GRID2: variants seen among roughly 807,000 people sequenced by gnomAD.
The protein encoded by GRID2 is glutamate ionotropic receptor delta type subunit 2.
A neutral mutation model predicts 114.8 loss-of-function variants in GRID2; 33 were observed. The observed-to-expected ratio is 0.29, with a 90% CI of 0.22 to 0.38. GRID2 has a LOEUF of 0.38. Ranked by LOEUF, GRID2 falls within the 10% of genes least tolerant of loss-of-function variation. GRID2 has a pLI of 1.00. For missense variants in GRID2, 1,184 were observed against 1,257.7 expected (o/e 0.94, Z 0.89); for synonymous variants, 505 against 449.9 (o/e 1.12, Z -1.55).
At chr4:92,697,701 A>C (rs1389890588) in intron 2 of GRID2, among the ~76,000 whole-genome samples, 1 of 152,128 alleles carries the variant, frequency 6.6e-6, no homozygotes, top group African/African-American at 2.4e-5. Context: ...AAAGGCAAAA[A>C]AATAGAAAAA....
At chr4:92,912,309 C>A (rs1748448364) in intron 2 of GRID2, among the ~76,000 whole-genome samples, 1 of 151,688 alleles carries the variant, frequency 6.6e-6, no homozygotes, top group African/African-American at 2.4e-5. Context: ...AACAAATATG[C>A]CCTCAAGTCT....
intron 2 of GRID2, among the ~76,000 whole-genome samples, chr4:92,886,988 T>C (rs983584038): frequency 6.6e-6 from 1 of 152,226 alleles, no homozygotes; most frequent in Admixed American, 6.5e-5. Context: ...CTAAATATTA[T>C]TGCTTCCCTT....
At chr4:92,701,492 A>T (rs1233441924) in intron 2 of GRID2, among the ~76,000 whole-genome samples, 1 of 152,206 alleles carries the variant, frequency 6.6e-6, no homozygotes, top group African/African-American at 2.4e-5. Flanking sequence ...AATGAATTAT[A>T]GACCACAGGA....
At chr4:93,588,271 C>T (rs1737742430) in intron 13 of GRID2, among the ~76,000 whole-genome samples, 1 of 151,800 alleles carries the variant, frequency 6.6e-6, no homozygotes, top group African/African-American at 2.4e-5. Flanking sequence ...AATGAATAAG[C>T]TAAAGAACAT....
intron 1 of GRID2, among the ~76,000 whole-genome samples, chr4:93,806,200 A>T (rs1205375018): frequency 2.0e-5 from 3 of 152,234 alleles, no homozygotes; most frequent in Non-Finnish European, 4.4e-5. Context: ...TACAATTTAT[A>T]TATTTATTAT....
In GRID2 at chr4:93,353,379, A is replaced by G. The variant is rs114118810; in HGVS notation, c.1246-42228A>G. ...AAAAGTAACAGTACACAGAATCAGA[A>G]ACAGCTAGATGTGAAAAATCACATT... On this transcript the variant is annotated intron_variant, in intron 8 of 15. Transcript: ENST00000282020. 7.3e-3 allele frequency among the ~76,000 whole-genome samples: 1,108 copies of G among 152,146 alleles called. 11 individuals carry two copies. Among genetic ancestry groups the G allele is most frequent in the African/African-American group, 0.026 (1,062 of 41,538 alleles).
chr4:92,986,811 G>A (rs2149196734), intron 2 of GRID2, among the ~76,000 whole-genome samples: 1 of 152,172 alleles, frequency 6.6e-6, no homozygotes, highest in Admixed American at 6.5e-5. Context: ...ATGTTCTGAA[G>A]ATAACGTAAA....
chr4:93,315,903 T>C (rs1756532424), intron 8 of GRID2, among the ~76,000 whole-genome samples: 1 of 152,096 alleles, frequency 6.6e-6, no homozygotes, highest in Non-Finnish European at 1.5e-5. Flanking sequence ...AATAACCCAT[T>C]GACATACCCA....
chr4:92,944,609 A>G (rs1003467032), intron 2 of GRID2, among the ~76,000 whole-genome samples: 1 of 152,198 alleles, frequency 6.6e-6, no homozygotes, highest in African/African-American at 2.4e-5. Flanking sequence ...TGAACCTGGT[A>G]TCTCAGTTGG....
intron 2 of GRID2, among the ~76,000 whole-genome samples, chr4:92,791,046 G>T (rs1739562444): frequency 6.6e-6 from 1 of 150,940 alleles, no homozygotes; most frequent in Non-Finnish European, 1.5e-5. Flanking sequence ...ATGAATATTT[G>T]TTACTATATT....
chr4:92,852,004 A>G (rs1420437866), intron 2 of GRID2, among the ~76,000 whole-genome samples: 1 of 151,938 alleles, frequency 6.6e-6, no homozygotes, highest in African/African-American at 2.4e-5. Flanking sequence ...TGGTAATTAT[A>G]TAATTAGGTC....
chr4:93,210,501 A>G (rs370247845), intron 5 of GRID2, among the ~76,000 whole-genome samples: 3 of 152,088 alleles, frequency 2.0e-5, no homozygotes, highest in East Asian at 3.9e-4. Context: ...GCACTGTAGT[A>G]TAGTTTGAAG....
At chr4:92,645,556 A>T (rs1731568514) in intron 2 of GRID2, among the ~76,000 whole-genome samples, 2 of 151,756 alleles carry the variant, frequency 1.3e-5, no homozygotes, top group Admixed American at 1.3e-4. Context: ...ATGAACTGTG[A>T]TACATCTATG....
At chr4:93,577,674 T>C (rs1287275037) in intron 13 of GRID2, among the ~76,000 whole-genome samples, 2 of 152,216 alleles carry the variant, frequency 1.3e-5, no homozygotes, top group Non-Finnish European at 2.9e-5. Context: ...GTCCTTGCCT[T>C]CATGGAGCTG....
intron 14 of GRID2, among the ~76,000 whole-genome samples, chr4:93,655,682 A>G (rs1164725847): frequency 1.3e-5 from 2 of 152,130 alleles, no homozygotes; most frequent in Non-Finnish European, 2.9e-5. Flanking sequence ...TTGAATCTTT[A>G]TAACAAAATA....
intron 13 of GRID2, among the ~76,000 whole-genome samples, chr4:93,619,588 T>G (rs1742026211): frequency 6.6e-6 from 1 of 152,236 alleles, no homozygotes; most frequent in African/African-American, 2.4e-5. Context: ...AAAATAGATT[T>G]TCATTATTCA....
At chr4:92,443,294 T>C (rs1455169886) in intron 1 of GRID2, among the ~76,000 whole-genome samples, 1 of 152,152 alleles carries the variant, frequency 6.6e-6, no homozygotes, top group Non-Finnish European at 1.5e-5. Flanking sequence ...TTGGAACTAC[T>C]GTGGAGTTTG....
intron 2 of GRID2, among the ~76,000 whole-genome samples, chr4:92,991,046 A>G (rs1194042397): frequency 6.6e-6 from 1 of 152,176 alleles, no homozygotes; most frequent in Non-Finnish European, 1.5e-5. Context: ...AACTCTTTAT[A>G]TATTTTCTGC....
intron 8 of GRID2, among the ~76,000 whole-genome samples, chr4:93,374,904 A>G (rs1366693398): frequency 6.6e-6 from 1 of 152,174 alleles, no homozygotes; most frequent in African/African-American, 2.4e-5. Context: ...ACTAAAGTCA[A>G]TCGACCTGTC....
Sources: gnomAD v4.1 joint callset for allele counts (sites outside exome capture counted in the v4.1 genomes callset) on GRCh38, gnomAD v4.1.1 for gene constraint, MANE v1.5 for transcripts, NCBI Gene and HGNC (gene_info 2026-07-23, HGNC 2026-07-21) for gene names.